The following ZEB1 variants were observed in gnomAD, a reference collection of about 807,000 sequenced individuals.
ZEB1 encodes the protein zinc finger E-box binding homeobox 1.
In ZEB1, 21 loss-of-function variants were observed where a neutral mutation model predicts 84.9. The observed-to-expected ratio is 0.25, with a 90% CI of 0.18 to 0.36. ZEB1 has a LOEUF of 0.36. Ranked by LOEUF, ZEB1 falls within the 10% of genes least tolerant of loss-of-function variation. The probability of loss-of-function intolerance (pLI) is 1.00; values close to 1 mark genes in which losing one functional copy is unlikely to be tolerated. For synonymous variants in ZEB1, 420 were observed against 471.1 expected (o/e 0.89, Z 1.41); for missense variants, 1,104 against 1,330.2 (o/e 0.83, Z 2.65).
intron 1 of ZEB1, chr10:31,363,040 G>C (rs2043646104): frequency 2.0e-6 from 3 of 1,533,824 alleles, no homozygotes; most frequent in South Asian, 2.4e-5. Context: ...CAGGGGAGGG[G>C]TCGGTTGCAG....
rs367768903 is a variant in ZEB1 at position 31,429,379 on chromosome 10, G to A, written c.59-31658G>A. The stretch of plus-strand genomic sequence containing the variant: ...AATTTATTTAAGAATGTTGAATATT[G>A]ACTCCCAATCTCTTCTGGCTTGTAG... On this transcript the variant is annotated intron_variant, in intron 1 of 8. Transcript: ENST00000424869. 2.5e-4 allele frequency among the ~76,000 whole-genome samples: 38 copies of A among 152,120 alleles called. 1 individual carries two copies. Among genetic ancestry groups the A allele is most frequent in the African/African-American group, 8.2e-4 (34 of 41,508 alleles).
At chr10:31,428,239 TC>T (rs2057241309) in intron 1 of ZEB1, among the ~76,000 whole-genome samples, 1 of 152,172 alleles carries the variant, frequency 6.6e-6, no homozygotes, top group Non-Finnish European at 1.5e-5. Flanking sequence ...CTTAGCTGTG[TC>T]CCAGAGATTC....
chr10:31,502,627 C>A, intron 4 of ZEB1, 118 bp downstream of exon 4: 1 of 1,243,260 alleles, frequency 8.0e-7, no homozygotes, highest in Non-Finnish European at 1.2e-6. Flanking sequence ...AACTTTATTA[C>A]AGGTGCCTAT....
In ZEB1 at chr10:31,529,340, TG is replaced by T. The variant is rs1477579171; in HGVS notation, c.*2078del. ...GTTTTAGACATTCTCCACTAAATTA[TG>T]GATTTTCTTGTGGCTAAATGTTTCT... On this transcript the variant is annotated 3_prime_UTR_variant, in exon 9 of 9. Transcript: ENST00000424869. 2 of 152,238 alleles carry T rather than the reference TG, an allele frequency of 1.3e-5. No homozygotes were observed. The highest frequency in any genetic ancestry group is 4.8e-5 in the African/African-American group (2 of 41,460). The allele number at this position is 152,238 out of a possible 1,614,324, so 9.4% of individuals were successfully genotyped here.
Position 31,430,358 on chromosome 10 carries a change from A to T in ZEB1, c.59-30679A>T, listed in dbSNP as rs532536848. 2.0e-5 allele frequency among the ~76,000 whole-genome samples: 3 copies of T among 152,294 alleles called. No individual in the cohort carries two copies. In the South Asian group the frequency reaches 6.2e-4, roughly 32 times the overall value. On this transcript the variant is annotated intron_variant, in intron 1 of 8. Coordinates refer to ENST00000424869, the MANE Select transcript of ZEB1 (RefSeq NM_001174096.2). ...AAATTGCTCATTCAGTCCTTAAAAA[A>T]TCTTATAAGTAGTTATTATTCTCCC...
chr10:31,414,218 G>A (rs1454898958), intron 1 of ZEB1, among the ~76,000 whole-genome samples: 2 of 152,108 alleles, frequency 1.3e-5, no homozygotes, highest in Non-Finnish European at 2.9e-5. Context: ...ATAGTGCATG[G>A]CACATAATAG....
intron 1 of ZEB1, among the ~76,000 whole-genome samples, chr10:31,434,900 A>G (rs2058112162): frequency 6.6e-6 from 1 of 152,162 alleles, no homozygotes; most frequent in Admixed American, 6.6e-5. Flanking sequence ...AATTTAGACT[A>G]CTGGAGGGAA....
chr10:31,463,129 G>A (rs1031003628), intron 2 of ZEB1, among the ~76,000 whole-genome samples: 12 of 152,058 alleles, frequency 7.9e-5, no homozygotes, highest in Admixed American at 1.3e-4. Flanking sequence ...CCTGAATTAC[G>A]TAGTTGATCC....
intron 1 of ZEB1, among the ~76,000 whole-genome samples, chr10:31,380,349 A>G (rs1360864080): frequency 1.3e-5 from 2 of 152,166 alleles, no homozygotes; most frequent in Non-Finnish European, 2.9e-5. Flanking sequence ...TTTCAGGTTC[A>G]GCTTTGGTTT....
intron 3 of ZEB1, among the ~76,000 whole-genome samples, chr10:31,497,627 T>C (rs2067435707): frequency 6.6e-6 from 1 of 152,130 alleles, no homozygotes; most frequent in Non-Finnish European, 1.5e-5. Flanking sequence ...TTTTGTTACT[T>C]CCTTGACTTC....
chr10:31,380,492 A>AC (rs1460082569), intron 1 of ZEB1, among the ~76,000 whole-genome samples: 4 of 152,146 alleles, frequency 2.6e-5, no homozygotes, highest in Non-Finnish European at 4.4e-5. Flanking sequence ...AGTGGTGCCA[A>AC]CCCAATCTCT....
At position 31,514,716 on chromosome 10, in the gene ZEB1, T is replaced by A. The variant is rs750444521; in HGVS notation, c.793+8T>A. 6.3e-7 allele frequency: 1 copy of A among 1,597,918 alleles called. No individual in the cohort carries two copies. The highest frequency in any genetic ancestry group is 2.2e-5 in the East Asian group (1 of 44,580). Reference sequence around the variant, plus strand: ...ACTTAAGAATTCACAGTGGTAAATATTTTTTTTCTTTCTATACCCTGAATA... The same window carrying A: ...ACTTAAGAATTCACAGTGGTAAATAATTTTTTTCTTTCTATACCCTGAATA... On this transcript the variant is annotated splice_region_variant and intron_variant, in intron 6 of 8. Coordinates refer to ENST00000424869, the MANE Select transcript of ZEB1 (RefSeq NM_001174096.2).
intron 1 of ZEB1, among the ~76,000 whole-genome samples, chr10:31,374,555 A>G (rs1328067625): frequency 6.6e-6 from 1 of 151,864 alleles, no homozygotes; most frequent in Non-Finnish European, 1.5e-5. Context: ...TACAGTGTAG[A>G]TAATAATTAC....
chr10:31,434,139 A>G (rs1011243202), intron 1 of ZEB1, among the ~76,000 whole-genome samples: 1 of 152,204 alleles, frequency 6.6e-6, no homozygotes, highest in Non-Finnish European at 1.5e-5. Context: ...GCAATTATTT[A>G]TTAACTATTT....
chr10:31,412,887 G>A (rs188017091), intron 1 of ZEB1, among the ~76,000 whole-genome samples: 83 of 152,214 alleles, frequency 5.5e-4, no homozygotes, highest in Non-Finnish European at 3.2e-4. Context: ...CTGTATCCTC[G>A]AAGTATAACT....
At position 31,429,765 on chromosome 10, in the gene ZEB1, C is replaced by T. The variant is rs532029180; in HGVS notation, c.59-31272C>T. 5.9e-5 allele frequency among the ~76,000 whole-genome samples: 5 copies of T among 84,130 alleles called. No homozygotes were observed. The Admixed American group carries it at 6.7e-4, about 11-fold the overall frequency. 55.2% of individuals were successfully genotyped at this position (84,130 alleles called of 152,430 possible). A position where few individuals can be genotyped will look rare whatever the true frequency, so the allele number is the denominator to read the frequency against. ...TTTTTTTTTTTTTTTTTTTTTGAGACGAAGTCTCACTCTTGTCCCCCAGGC... is the reference window on the plus strand; with the variant it reads ...TTTTTTTTTTTTTTTTTTTTTGAGATGAAGTCTCACTCTTGTCCCCCAGGC... On this transcript the variant is annotated intron_variant, in intron 1 of 8. Transcript: ENST00000424869.
chr10:31,354,914 CTGA>C (rs1483742274), intron 1 of ZEB1, among the ~76,000 whole-genome samples: 2 of 152,102 alleles, frequency 1.3e-5, no homozygotes, highest in African/African-American at 2.4e-5. Flanking sequence ...TCTGTTGATG[CTGA>C]TAAGTGAACA....
At chr10:31,450,100 A>G (rs1298046668) in intron 1 of ZEB1, among the ~76,000 whole-genome samples, 1 of 152,238 alleles carries the variant, frequency 6.6e-6, no homozygotes, top group Non-Finnish European at 1.5e-5. Flanking sequence ...TTAGAATCCA[A>G]GATACCATGT....
chr10:31,427,681 A>G (rs866062814), intron 1 of ZEB1, among the ~76,000 whole-genome samples: 8 of 152,138 alleles, frequency 5.3e-5, no homozygotes, highest in South Asian at 2.1e-4. Flanking sequence ...GTGAAACCCC[A>G]TCTCTACTAA....
Sources: gnomAD v4.1 joint callset for allele counts (sites outside exome capture counted in the v4.1 genomes callset) on GRCh38, gnomAD v4.1.1 for gene constraint, MANE v1.5 for transcripts, NCBI Gene and HGNC (gene_info 2026-07-23, HGNC 2026-07-21) for gene names.